Variants in TELO2 observed in about 807,000 individuals in gnomAD.
TELO2 encodes telomere maintenance 2, also known as telomere length regulation protein TEL2 homolog.
A neutral mutation model predicts 91.0 loss-of-function variants in TELO2; 71 were observed. The observed-to-expected ratio is 0.78, with a 90% confidence interval of 0.64 to 0.95. The LOEUF (loss-of-function observed/expected upper bound fraction) is 0.95, where lower values mean the gene tolerates loss of function less well. TELO2 is among the 40% of genes least tolerant of loss of function. The pLI, the probability that TELO2 is intolerant of heterozygous loss-of-function variation, is 0.00. For missense variants in TELO2, 1,183 were observed against 1,141.3 expected, an observed-to-expected ratio of 1.04 and a Z score of -0.53; for synonymous variants, 584 against 518.9, an observed-to-expected ratio of 1.13 and a Z score of -1.71.
chr16:1,501,599 G>T, intron 10 of TELO2, 64 bp from the exon 11 acceptor site: 1 of 1,571,354 alleles, frequency 6.4e-7, no homozygotes, highest in Non-Finnish European at 8.7e-7. Context: ...TTTCTGTCCT[G>T]TGAGTCCTGA....
At position 1,494,152 on chromosome 16, in the gene TELO2, G is replaced by A. The variant is rs1302973666; in HGVS notation, c.-36-94G>A. The A allele has an allele frequency of 1.8e-5, 15 of 810,880 alleles. No homozygotes were observed. In the East Asian group the frequency reaches 4.0e-4, roughly 22 times the overall value. 50.2% of individuals were successfully genotyped at this position (810,880 alleles called of 1,614,324 possible). ...CAGGGTTGGGTGGGACCAGGGTTGA[G>A]GGGTGTGGGGTCTCGGGGCGCTCAC... On this transcript the variant is annotated intron_variant, in intron 1 of 20. Coordinates refer to ENST00000262319, the MANE Select transcript of TELO2 (RefSeq NM_016111.4). This position sits in a 1 kb window ranked among gnomAD's most constrained non-coding sequence, Gnocchi z 5.6.
In TELO2 at chr16:1,499,398, A is replaced by G. The variant is rs1567296797; in HGVS notation, c.933+65A>G. On this transcript the variant is annotated intron_variant, in intron 6 of 20. Coordinates refer to ENST00000262319, the MANE Select transcript of TELO2 (RefSeq NM_016111.4). ...ATCACAGCAAGAATGGCTGCAAAAC[A>G]TGGGGTCGGAGCGGTGTCTGCTGCC... 155 of 1,553,254 alleles carry G rather than the reference A, an allele frequency of 1.0e-4. 1 individual carries two copies. In the South Asian group the frequency reaches 1.5e-3, roughly 15 times the overall value.
chr16:1,497,012 A>C lies in TELO2; in HGVS notation c.614-24A>C, dbSNP rs757961920. On this transcript the variant is annotated intron_variant, in intron 3 of 20. Coordinates refer to ENST00000262319, the MANE Select transcript of TELO2 (RefSeq NM_016111.4). The surrounding 1 kb of genome is among the most constrained non-coding windows in gnomAD (Gnocchi z 4.0). The stretch of plus-strand genomic sequence containing the variant: ...TTTGTGCCTTCCCGCCGGCTTCCTC[A>C]TCAGGCCTCCCTTTCTGTCCCAGGT... 3 of 1,612,544 alleles carry C rather than the reference A, an allele frequency of 1.9e-6. No individual in the cohort carries two copies. Among genetic ancestry groups the C allele is most frequent in the Non-Finnish European group, 2.5e-6 (3 of 1,179,164 alleles).
Position 1,502,209 on chromosome 16 carries a change from G to A in TELO2, c.1561+74G>A, listed in dbSNP as rs577095301. On this transcript the variant is annotated intron_variant, in intron 12 of 20. Coordinates refer to ENST00000262319, the MANE Select transcript of TELO2 (RefSeq NM_016111.4). ...CTCACAGCCTGGTTCTGCCTCAAGG[G>A]GCCACCGGGAAGCCCTGGGCCCGGG... The A allele has an allele frequency of 5.0e-6, 8 of 1,592,232 alleles. No individual in the cohort carries two copies. In the African/African-American group the frequency reaches 8.1e-5, roughly 16 times the overall value.
intron 3 of TELO2, among the ~76,000 whole-genome samples, chr16:1,496,321 TC>T (rs946612651): frequency 1.6e-4 from 24 of 152,098 alleles, no homozygotes; most frequent in African/African-American, 5.8e-4. Context: ...GCCCCTCGAG[TC>T]CCTGCGTGGG....
At position 1,502,738 on chromosome 16, in the gene TELO2, G is replaced by A. The variant is rs775272837; in HGVS notation, c.1747G>A (p.Val583Ile). 6.1e-5 allele frequency: 99 copies of A among 1,612,272 alleles called. 1 individual carries two copies. In the South Asian group the frequency reaches 8.5e-4, roughly 14 times the overall value. The change falls in exon 14 of 21, where the codon GTC becomes ATC. Residue 583 changes from valine (V) to isoleucine (I), a missense_variant. Physicochemically the swap from Val to Ile is conservative, Grantham distance 29. Coordinates refer to ENST00000262319, the MANE Select transcript of TELO2 (RefSeq NM_016111.4). ...GCTGCGCCAGAGAGCCCTGGTGGCC[G>A]TCACGGTCACAGACCCGGCCCCGGT... The part of the protein sequence containing the change: ...AGLRQRALVA[V>I]TVTDPAPVAD...
In TELO2 at chr16:1,507,552, T is replaced by A. The variant is rs989342789; in HGVS notation, c.2292-49T>A. 9 of 1,528,262 alleles carry A rather than the reference T, an allele frequency of 5.9e-6. No individual in the cohort carries two copies. The Admixed American group carries it at 1.6e-4, about 26-fold the overall frequency. The allele number at this position is 1,528,262 out of a possible 1,614,324, so 94.7% of individuals were successfully genotyped here. A position where few individuals can be genotyped will look rare whatever the true frequency, so the allele number is the denominator to read the frequency against. ...CTGCCACACTGAGGGGAGTGGGAGG[T>A]CTGGGGTGTGGTCCCTGCCGAGCTC... On this transcript the variant is annotated intron_variant, in intron 19 of 20. Transcript: ENST00000262319.
At position 1,507,300 on chromosome 16, in the gene TELO2, G is replaced by A. The variant is rs1469535905; in HGVS notation, c.2227-6G>A. 6.2e-7 allele frequency: 1 copy of A among 1,608,338 alleles called. No individual in the cohort carries two copies. Among genetic ancestry groups the A allele is most frequent in the Admixed American group, 1.7e-5 (1 of 60,022 alleles). On this transcript the variant is annotated splice_polypyrimidine_tract_variant and splice_region_variant and intron_variant, in intron 18 of 20. Transcript: ENST00000262319. ...CCCCACTGACTGTCCCTCTGCTGGT[G>A]TCCAGGTGGCTGTGGCCATGGGCAA...
chr16:1,495,662 T>G, intron 3 of TELO2, 39 bp downstream of exon 3: 1 of 1,547,644 alleles, frequency 6.5e-7, no homozygotes, highest in Non-Finnish European at 8.7e-7. Flanking sequence ...GCCACCCGTC[T>G]TCTTGGGTCC....
At chr16:1,495,748 G>A in intron 3 of TELO2, 125 bp downstream of exon 3, 2 of 1,349,880 alleles carry the variant, frequency 1.5e-6, no homozygotes, top group Non-Finnish European at 2.0e-6. Context: ...TCAGGCAGGT[G>A]GGGATGTCCC....
Position 1,500,665 on chromosome 16 carries a change from G to A in TELO2, c.1247G>A (p.Arg416Gln), listed in dbSNP as rs1311092240. ...ATCGTGGCAGAGGTCGTTAGTGCCC[G>A]GATCCACCCCGAGGGGCCTCCCCTG... ...GMIVAEVVSA[R>Q]IHPEGPPLKF... The change falls in exon 9 of 21, where the codon CGG (arginine) becomes CAG (glutamine). Residue 416 changes from arginine to glutamine, a missense_variant. Coordinates refer to ENST00000262319, the MANE Select transcript of TELO2 (RefSeq NM_016111.4). 8.1e-6 allele frequency: 13 copies of A among 1,612,536 alleles called. No homozygotes were observed. The highest frequency in any genetic ancestry group is 1.1e-5 in the South Asian group (1 of 91,080).
chr16:1,502,084 A>G lies in TELO2; in HGVS notation c.1510A>G (p.Arg504Gly). ...TGTCCCCTACGACATGTCGGGGGAC[A>G]GAGAGCTGAAGAGCAGCAAGGCTCC... ...EFVPYDMSGD[R>G]ELKSSKAPAY... Residue 504 changes from arginine (R) to glycine (G), a missense_variant, in exon 12 of 21, where the codon AGA (arginine) becomes GGA (glycine). By Grantham distance (125) the Arg-to-Gly change is moderately radical. Transcript: ENST00000262319. 6.2e-7 allele frequency: 1 copy of G among 1,613,048 alleles called. No homozygotes were observed. Among genetic ancestry groups the G allele is most frequent in the Middle Eastern group, 1.6e-4 (1 of 6,062 alleles).
chr16:1,496,890 G>A (rs1198154783), intron 3 of TELO2, 146 bp from the exon 4 acceptor site: 2 of 718,992 alleles, frequency 2.8e-6, no homozygotes, highest in African/African-American at 1.8e-5. Context: ...AGATTTGCTG[G>A]GTAGGCTGAT....
intron 9 of TELO2, 150 bp downstream of exon 9, chr16:1,500,849 G>A: frequency 7.4e-7 from 1 of 1,355,030 alleles, no homozygotes; most frequent in Non-Finnish European, 9.9e-7. Flanking sequence ...GCTGGAAGCT[G>A]TGGCAGGTTC....
At chr16:1,501,533 T>TGCAC in intron 10 of TELO2, 34 bp downstream of exon 10, 1 of 1,589,402 alleles carries the variant, frequency 6.3e-7, no homozygotes, top group Non-Finnish European at 8.6e-7. Context: ...CCCCACCGCG[T>TGCAC]GCACATCTTA....
At chr16:1,502,531 G>A (rs1034184570) in intron 13 of TELO2, 114 bp from the exon 14 acceptor site, 2 of 1,501,392 alleles carry the variant, frequency 1.3e-6, no homozygotes, top group African/African-American at 2.8e-5. Flanking sequence ...CTCCCGGGGG[G>A]CCTGCGGCCT....
rs748300381 is a variant in TELO2, at chr16:1,501,742, C to T, written c.1441C>T (p.Gln481Ter). 2.5e-6 allele frequency: 4 copies of T among 1,611,270 alleles called. No individual in the cohort carries two copies. In the South Asian group the frequency reaches 3.3e-5, roughly 13 times the overall value. The change falls in exon 11 of 21, where the codon CAG (glutamine) becomes TAG (stop). Residue 481 changes from glutamine to a stop codon, truncating the protein, a stop_gained. Coordinates refer to ENST00000262319, the MANE Select transcript of TELO2 (RefSeq NM_016111.4). LOFTEE classifies it high-confidence loss of function. ...CGTGGATGGCGGCGTCCCCCAAGCA[C>T]AGCTGGCGGGCTCTGACTCGGACCT... ...EIVDGGVPQA[Q>*]LAGSDSDLDS... is the part of the protein sequence containing the mutation.
At chr16:1,506,453 T>A in intron 17 of TELO2, 124 bp downstream of exon 17, 1 of 1,561,998 alleles carries the variant, frequency 6.4e-7, no homozygotes, top group Admixed American at 1.8e-5. Context: ...TGCTTTGCTG[T>A]GGCTTTTTGT....
intron 20 of TELO2, 54 bp downstream of exon 20, chr16:1,507,770 GTGTA>G (rs1185825979): frequency 6.6e-6 from 9 of 1,355,506 alleles, no homozygotes; most frequent in Non-Finnish European, 8.8e-6. Context: ...CGGGGTGTGT[GTGTA>G]TGTGTGTGTG....
Sources: allele counts gnomAD v4.1 joint callset (sites outside exome capture counted in the v4.1 genomes callset), GRCh38; gene constraint gnomAD v4.1.1; non-coding constraint Gnocchi (gnomAD v3.1); transcripts MANE v1.5; gene names NCBI Gene and HGNC (gene_info 2026-07-23, HGNC 2026-07-21).